MALRD1: variants seen among roughly 807,000 people sequenced by gnomAD.
MALRD1 encodes the protein MAM and LDL receptor class A domain containing 1.
Under a neutral mutation model 242.1 loss-of-function variants are expected in MALRD1, and 247 were observed. That is an observed-to-expected ratio of 1.02 (90% confidence interval 0.92 to 1.13). The LOEUF (loss-of-function observed/expected upper bound fraction) is 1.13. Ranked by LOEUF, MALRD1 falls within the 50% of genes most tolerant of loss-of-function variation. The probability of loss-of-function intolerance (pLI) is 0.00; values close to 1 mark genes in which losing one functional copy is unlikely to be tolerated. For synonymous variants in MALRD1, 995 were observed against 866.6 expected (o/e 1.15, Z -2.60); for missense variants, 2,989 against 2,533.1 (o/e 1.18, Z -3.86).
chr10:19,070,836 C>CT lies in MALRD1; in HGVS notation c.340+4007dup, dbSNP rs3042437. Among the ~76,000 whole-genome samples, 39 of 52,468 alleles carry CT rather than the reference C, an allele frequency of 7.4e-4. No homozygotes were observed. In the East Asian group the frequency reaches 0.01, roughly 13 times the overall value. The allele number at this position is 52,468 out of a possible 152,430, so 34.4% of individuals were successfully genotyped here. A position where few individuals can be genotyped will look rare whatever the true frequency, so the allele number is the denominator to read the frequency against. On this transcript the variant is annotated intron_variant, in intron 2 of 39. Coordinates refer to ENST00000454679, the MANE Select transcript of MALRD1 (RefSeq NM_001142308.3). ...AAGTTGCATAGACTCAAATGACAAA[C>CT]TTTTTTTTTTTTTTTTTTTTTTTTT... is the stretch of plus-strand genomic sequence containing the variant.
chr10:19,224,964 G>A (rs1837730149), intron 18 of MALRD1, among the ~76,000 whole-genome samples: 4 of 152,030 alleles, frequency 2.6e-5, no homozygotes, highest in Admixed American at 2.6e-4. Context: ...AGTTTTTATG[G>A]TTTTAGATCT....
Position 19,324,245 on chromosome 10 carries a change from G to A in MALRD1, c.3576+140G>A, listed in dbSNP as rs184537288. On this transcript the variant is annotated intron_variant, in intron 22 of 39. Transcript: ENST00000454679. ...TTCACTAGATTTATAGTGGTATATGGAGTAAAAGCTTTAGCAGAATTGGAC... is the reference window on the plus strand; with the variant it reads ...TTCACTAGATTTATAGTGGTATATGAAGTAAAAGCTTTAGCAGAATTGGAC... The A allele has an allele frequency of 2.5e-5, 20 of 808,516 alleles. No homozygotes were observed. In the African/African-American group the frequency reaches 2.8e-4, roughly 11 times the overall value. The allele number at this position is 808,516 out of a possible 1,614,324, so 50.1% of individuals were successfully genotyped here.
Position 19,387,736 on chromosome 10 carries a change from A to G in MALRD1, c.4650A>G (p.Leu1550=). The change falls in exon 27 of 40, where the codon TTA becomes TTG. Residue 1550 remains leucine, a synonymous_variant. Transcript: ENST00000454679. The part of the protein sequence containing the change: ...WVLGVGSHQS[L]RPPKDHTLGN... ...TAGGGGTTGGCTCTCATCAAAGCTT[A>G]AGACCTCCCAAAGACCACACACTTG... is the stretch of plus-strand genomic sequence containing the variant. 2 of 1,550,552 alleles carry G rather than the reference A, an allele frequency of 1.3e-6. No individual in the cohort carries two copies. The highest frequency in any genetic ancestry group is 1.7e-6 in the Non-Finnish European group (2 of 1,146,870).
At chr10:19,466,339 A>G (rs913170759) in intron 29 of MALRD1, among the ~76,000 whole-genome samples, 3 of 151,946 alleles carry the variant, frequency 2.0e-5, no homozygotes, top group African/African-American at 7.2e-5. Context: ...TTTAGTCTGG[A>G]TTTTCTTTTA....
intron 31 of MALRD1, among the ~76,000 whole-genome samples, chr10:19,507,156 G>A (rs945599356): frequency 6.6e-6 from 1 of 151,990 alleles, no homozygotes; most frequent in Non-Finnish European, 1.5e-5. Context: ...CGAGCCATAA[G>A]GGAGGGATCT....
At chr10:19,423,135 T>C (rs1039494128) in intron 28 of MALRD1, among the ~76,000 whole-genome samples, 2 of 152,140 alleles carry the variant, frequency 1.3e-5, no homozygotes, top group Non-Finnish European at 2.9e-5. Context: ...AGCCTAGCAA[T>C]GGCTGTTTGA....
At chr10:19,714,146 C>G (rs1262637537) in intron 38 of MALRD1, among the ~76,000 whole-genome samples, 1 of 152,198 alleles carries the variant, frequency 6.6e-6, no homozygotes, top group African/African-American at 2.4e-5. Flanking sequence ...AGACAGAGGG[C>G]TTTCTGTTTC....
intron 26 of MALRD1, among the ~76,000 whole-genome samples, chr10:19,359,093 A>C (rs1348358562): frequency 6.6e-6 from 1 of 152,196 alleles, no homozygotes; most frequent in South Asian, 2.1e-4. Context: ...ATAGTTTTGA[A>C]CGTAGAAAAC....
At chr10:19,343,734 C>A (rs1489525955) in intron 24 of MALRD1, among the ~76,000 whole-genome samples, 1 of 152,114 alleles carries the variant, frequency 6.6e-6, no homozygotes, top group Non-Finnish European at 1.5e-5. Flanking sequence ...GGTAACCATA[C>A]CCTGGTGCTA....
chr10:19,187,212 G>T (rs1835778115), intron 14 of MALRD1, among the ~76,000 whole-genome samples: 1 of 151,994 alleles, frequency 6.6e-6, no homozygotes, highest in Non-Finnish European at 1.5e-5. Flanking sequence ...TTAATATTAG[G>T]GCCCTGCTTC....
chr10:19,396,006 C>T (rs1348958344), intron 28 of MALRD1, among the ~76,000 whole-genome samples: 2 of 152,054 alleles, frequency 1.3e-5, no homozygotes, highest in Non-Finnish European at 2.9e-5. Context: ...ATATAGTCGG[C>T]TCTAAAGAAT....
intron 28 of MALRD1, among the ~76,000 whole-genome samples, chr10:19,439,588 A>G (rs1834519188): frequency 6.6e-6 from 1 of 152,110 alleles, no homozygotes; most frequent in Admixed American, 6.6e-5. Flanking sequence ...AAACCGGTGC[A>G]GGAACAATAT....
chr10:19,489,289 C>T (rs1255255827), intron 29 of MALRD1: 2 of 496,752 alleles, frequency 4.0e-6, no homozygotes, highest in African/African-American at 2.0e-5. Context: ...GAAAACAGGC[C>T]TAAGTGGCTA....
intron 1 of MALRD1, among the ~76,000 whole-genome samples, chr10:19,057,426 A>T (rs543746457): frequency 3.8e-4 from 58 of 152,262 alleles, no homozygotes; most frequent in African/African-American, 1.3e-3. Context: ...GAGGGCAGTC[A>T]TCCAGTCCTG....
chr10:19,310,730 A>G (rs1241312822), intron 21 of MALRD1, among the ~76,000 whole-genome samples: 13 of 151,320 alleles, frequency 8.6e-5, no homozygotes, highest in Admixed American at 6.0e-4. Flanking sequence ...ATATGACTCT[A>G]TTTTGTGCCA....
At position 19,692,350 on chromosome 10, in the gene MALRD1, A is replaced by G. The variant is rs1426041533; in HGVS notation, c.6206A>G (p.Tyr2069Cys). 6.5e-7 allele frequency: 1 copy of G among 1,535,372 alleles called. No individual in the cohort carries two copies. Among genetic ancestry groups the G allele is most frequent in the Non-Finnish European group, 8.7e-7 (1 of 1,146,404 alleles). The change falls in exon 37 of 40, where the codon TAC (tyrosine) becomes TGC (cysteine). Residue 2069 changes from tyrosine to cysteine, a missense_variant. Physicochemically the swap from Tyr to Cys is radical, Grantham distance 194. Coordinates refer to ENST00000454679, the MANE Select transcript of MALRD1 (RefSeq NM_001142308.3). ...KFNPPATDFT[Y>C]AQNNTWTLLG... ...AATCCTCCTGCTACAGACTTCACAT[A>G]CGCTCAGAATAGTAGGTGACATTAT...
intron 18 of MALRD1, among the ~76,000 whole-genome samples, chr10:19,210,948 GC>G (rs1564470034): frequency 6.6e-6 from 1 of 152,158 alleles, no homozygotes; most frequent in African/African-American, 2.4e-5. Context: ...CATCAGTGTG[GC>G]ATCGTTCTGG....
At chr10:19,457,906 G>A (rs1287692871) in intron 29 of MALRD1, among the ~76,000 whole-genome samples, 1 of 151,688 alleles carries the variant, frequency 6.6e-6, no homozygotes, top group Non-Finnish European at 1.5e-5. Flanking sequence ...TATTGTTACA[G>A]GCTTGTTTTA....
At chr10:19,262,338 A>G (rs1468519467) in intron 19 of MALRD1, among the ~76,000 whole-genome samples, 1 of 129,530 alleles carries the variant, frequency 7.7e-6, no homozygotes, top group East Asian at 2.2e-4. Flanking sequence ...TCGTGTAGTT[A>G]CCCCTCCTCT....
Sources: gnomAD v4.1 joint callset for allele counts (sites outside exome capture counted in the v4.1 genomes callset) on GRCh38, gnomAD v4.1.1 for gene constraint, MANE v1.5 for transcripts, NCBI Gene and HGNC (gene_info 2026-07-23, HGNC 2026-07-21) for gene names.